Variants in LINGO2 observed in about 807,000 individuals in gnomAD.
LINGO2 encodes leucine-rich repeat and immunoglobulin-like domain-containing nogo receptor-interacting protein 2.
Under a neutral mutation model 30.6 loss-of-function variants are expected in LINGO2, and 14 were observed. The observed-to-expected ratio is 0.46, with a 90% CI of 0.30 to 0.72. LINGO2 has a LOEUF of 0.72. LINGO2 is among the 30% of genes least tolerant of loss of function. The probability of loss-of-function intolerance (pLI) is 0.07; values close to 1 mark genes in which losing one functional copy is unlikely to be tolerated. For synonymous variants in LINGO2, 317 were observed against 288.5 expected (o/e 1.10, Z -1.00); for missense variants, 729 against 751.7 (o/e 0.97, Z 0.35).
chr9:28,995,528 C>T, the LINGO2 span, among the ~76,000 whole-genome samples: 6 of 151,974 alleles, frequency 3.9e-5, no homozygotes, highest in African/African-American at 9.7e-5. Context: ...GGGTATATAC[C>T]CAAAGGACTA....
intron 2 of LINGO2, among the ~76,000 whole-genome samples, chr9:28,450,491 G>A (rs1188975161): frequency 6.6e-6 from 1 of 152,052 alleles, no homozygotes; most frequent in Non-Finnish European, 1.5e-5. Context: ...ATCTAGAGTA[G>A]TAGCATTAAT....
chr9:28,245,365 T>C (rs1821959378), intron 4 of LINGO2, among the ~76,000 whole-genome samples: 1 of 152,218 alleles, frequency 6.6e-6, no homozygotes, highest in Non-Finnish European at 1.5e-5. Flanking sequence ...GGGCTAAAGC[T>C]GGAAGCGTTC....
the LINGO2 span, among the ~76,000 whole-genome samples, chr9:28,840,578 T>G: frequency 6.6e-6 from 1 of 151,844 alleles, no homozygotes; most frequent in Non-Finnish European, 1.5e-5. Context: ...AAGCTACAGC[T>G]TCAGTGCCTA....
At chr9:28,370,336 A>T (rs2134563519) in intron 3 of LINGO2, among the ~76,000 whole-genome samples, 1 of 152,160 alleles carries the variant, frequency 6.6e-6, no homozygotes, top group East Asian at 1.9e-4. Context: ...CCTCACACAC[A>T]TTCCAAAATA....
the LINGO2 span, among the ~76,000 whole-genome samples, chr9:29,071,852 T>C: frequency 6.6e-6 from 1 of 152,184 alleles, no homozygotes; most frequent in Non-Finnish European, 1.5e-5. Context: ...CTAGTATATT[T>C]ATGCTCTCAA....
intron 1 of LINGO2, among the ~76,000 whole-genome samples, chr9:28,617,073 C>T (rs928486138): frequency 6.6e-6 from 1 of 151,898 alleles, no homozygotes; most frequent in African/African-American, 2.4e-5. Context: ...AGTAAATTAG[C>T]CTTGGCATGA....
chr9:28,926,649 T>A, the LINGO2 span, among the ~76,000 whole-genome samples: 5 of 152,182 alleles, frequency 3.3e-5, no homozygotes, highest in South Asian at 8.3e-4. Flanking sequence ...TTGCTTTTTT[T>A]AATATGGTTA....
chr9:28,365,309 C>T (rs933907842), intron 3 of LINGO2, among the ~76,000 whole-genome samples: 7 of 152,024 alleles, frequency 4.6e-5, no homozygotes, highest in Admixed American at 3.3e-4. Context: ...AAAATGTCAC[C>T]TGGGCCAGAT....
At chr9:29,004,798 A>T in the LINGO2 span, among the ~76,000 whole-genome samples, 1 of 151,868 alleles carries the variant, frequency 6.6e-6, no homozygotes, top group Non-Finnish European at 1.5e-5. Flanking sequence ...AATCAAAACA[A>T]TGATTAAAAC....
the LINGO2 span, among the ~76,000 whole-genome samples, chr9:29,013,081 C>T: frequency 6.6e-6 from 1 of 152,098 alleles, no homozygotes; most frequent in Non-Finnish European, 1.5e-5. Flanking sequence ...ATTACTTCTC[C>T]CCACCCTAGC....
chr9:28,181,768 T>G (rs1285412899), intron 4 of LINGO2, among the ~76,000 whole-genome samples: 3 of 152,138 alleles, frequency 2.0e-5, no homozygotes, highest in Admixed American at 2.0e-4. Context: ...GAAATATAGT[T>G]TTTACATTTG....
At chr9:28,947,389 T>A in the LINGO2 span, among the ~76,000 whole-genome samples, 3 of 152,098 alleles carry the variant, frequency 2.0e-5, no homozygotes, top group African/African-American at 4.8e-5. Flanking sequence ...TTCATCAATT[T>A]GGATGAGGTT....
intron 2 of LINGO2, among the ~76,000 whole-genome samples, chr9:28,415,564 G>A (rs970919543): frequency 6.6e-6 from 1 of 151,968 alleles, no homozygotes; most frequent in Admixed American, 6.6e-5. Context: ...TCCAATTCAG[G>A]GTCTCTGAAT....
the LINGO2 span, among the ~76,000 whole-genome samples, chr9:29,176,823 T>C: frequency 6.6e-6 from 1 of 152,246 alleles, no homozygotes; most frequent in African/African-American, 2.4e-5. Flanking sequence ...TCTGACAGAC[T>C]GACAAGAACC....
chr9:28,867,268 A>G, the LINGO2 span, among the ~76,000 whole-genome samples: 355 of 152,296 alleles, frequency 2.3e-3, 4 homozygotes, highest in Middle Eastern at 0.027. Flanking sequence ...CAAAATAAAA[A>G]TAGAACAGGA....
the LINGO2 span, among the ~76,000 whole-genome samples, chr9:29,074,678 C>CTTTTTTTTTTTTTT: frequency 1.1e-5 from 1 of 88,006 alleles, no homozygotes; most frequent in Non-Finnish European, 2.0e-5. Context: ...AAATTACTTA[C>CTTTTTTTTTTTTTT]TTTTTTTTTT....
intron 3 of LINGO2, among the ~76,000 whole-genome samples, chr9:28,302,212 C>T (rs1824174937): frequency 6.6e-6 from 1 of 152,108 alleles, no homozygotes; most frequent in Non-Finnish European, 1.5e-5. Flanking sequence ...GCAGACTGTG[C>T]CTAAAATGGG....
intron 5 of LINGO2, among the ~76,000 whole-genome samples, chr9:27,998,385 T>G (rs1428171771): frequency 6.6e-6 from 1 of 152,180 alleles, no homozygotes; most frequent in Non-Finnish European, 1.5e-5. Context: ...TAGGGGGATA[T>G]GCCTGACCAG....
intron 4 of LINGO2, among the ~76,000 whole-genome samples, chr9:28,151,113 A>C (rs887985533): frequency 7.9e-5 from 12 of 152,232 alleles, no homozygotes; most frequent in African/African-American, 2.9e-4. Context: ...GTACAAGTTC[A>C]CTTACTATGA....
Sources: allele counts gnomAD v4.1 joint callset (sites outside exome capture counted in the v4.1 genomes callset), GRCh38; gene constraint gnomAD v4.1.1; transcripts MANE v1.5; gene names NCBI Gene and HGNC (gene_info 2026-07-23, HGNC 2026-07-21).